PYROXD1: variants seen among roughly 807,000 people sequenced by gnomAD.
PYROXD1 encodes the protein tRNA ligase complex-associated NAD(P)H dehydrogenase PYROXD1.
In PYROXD1, 42 loss-of-function variants were observed where a neutral mutation model predicts 62.0. That is an observed-to-expected ratio of 0.68 (90% CI 0.53 to 0.88). The LOEUF is 0.88. PYROXD1 is among the 40% of genes least tolerant of loss of function. The pLI is 0.00. For synonymous variants in PYROXD1, 170 were observed against 206.4 expected (o/e 0.82, Z 1.51); for missense variants, 493 against 604.8 (o/e 0.82, Z 1.94).
chr12:21,458,093 A>C lies in PYROXD1; in HGVS notation c.750+1998A>C, dbSNP rs149707671. Reference sequence around the variant, plus strand: ...AGCCAGGCATTGACTTCTCCTCTATAGTTGTGAAGGTCCTAGATAGCATCT... The same window carrying C: ...AGCCAGGCATTGACTTCTCCTCTATCGTTGTGAAGGTCCTAGATAGCATCT... On this transcript the variant is annotated intron_variant, in intron 7 of 11. Transcript: ENST00000240651. Among the ~76,000 whole-genome samples, 407 of 152,258 alleles carry C rather than the reference A, an allele frequency of 2.7e-3. 2 individuals carry two copies. The highest frequency in any genetic ancestry group is 3.5e-3 in the Non-Finnish European group (235 of 68,012).
chr12:21,465,739 C>T (rs1385000894), intron 10 of PYROXD1, among the ~76,000 whole-genome samples: 1 of 151,982 alleles, frequency 6.6e-6, no homozygotes, highest in East Asian at 1.9e-4. Flanking sequence ...GAAGTCCTTG[C>T]CCATGCCTAT....
chr12:21,453,730 T>C (rs1942545142), intron 5 of PYROXD1, among the ~76,000 whole-genome samples: 2 of 152,050 alleles, frequency 1.3e-5, no homozygotes, highest in Non-Finnish European at 2.9e-5. Flanking sequence ...GTAGAGCAAG[T>C]ACTGAAGTTT....
intron 2 of PYROXD1, among the ~76,000 whole-genome samples, chr12:21,441,656 T>C (rs932559928): frequency 6.6e-6 from 1 of 152,238 alleles, no homozygotes; most frequent in African/African-American, 2.4e-5. Context: ...TTTTTTGTTT[T>C]GGTTGCTTAT....
At chr12:21,462,992 T>C (rs1371926151) in intron 10 of PYROXD1, 130 bp downstream of exon 10, 5 of 731,774 alleles carry the variant, frequency 6.8e-6, no homozygotes, top group Admixed American at 3.3e-5. Context: ...ACAGTTGTTA[T>C]ATATATTTAA....
intron 7 of PYROXD1, among the ~76,000 whole-genome samples, chr12:21,460,454 C>G (rs987880248): frequency 2.0e-5 from 3 of 149,970 alleles, no homozygotes; most frequent in Non-Finnish European, 3.0e-5. Context: ...GACAGAGTCT[C>G]GCTCTGTCAC....
rs754580539 is a variant in PYROXD1, at chr12:21,445,417, A to G, written c.236A>G (p.Asn79Ser). The change falls in exon 3 of 12, where the codon AAC becomes AGC. Residue 79 changes from asparagine (N) to serine (S), a missense_variant. By Grantham distance (46) the Asn-to-Ser change is conservative. Transcript: ENST00000240651. Reference protein sequence around the residue: ...SSTMLGKRFPNIKVIESGVKQ... With the variant: ...SSTMLGKRFPSIKVIESGVKQ... ...ACCATGTTAGGAAAACGCTTTCCCAACATTAAGGTTATAGAATCTGGCGTA... is the reference window on the plus strand; with the variant it reads ...ACCATGTTAGGAAAACGCTTTCCCAGCATTAAGGTTATAGAATCTGGCGTA... 2.8e-5 allele frequency: 45 copies of G among 1,608,682 alleles called. No homozygotes were observed. The highest frequency in any genetic ancestry group is 3.7e-5 in the Non-Finnish European group (44 of 1,178,498).
rs901740604 is a variant in PYROXD1 at position 21,462,928 on chromosome 12, C to T, written c.1116+66C>T. On this transcript the variant is annotated intron_variant, in intron 10 of 11. Coordinates refer to ENST00000240651, the MANE Select transcript of PYROXD1 (RefSeq NM_024854.5). Reference sequence around the variant, plus strand: ...CTGTCTGAAAATAAAGCGGTTGTTACCAACAAATCCAACTTCTGGTTTTCC... The same window carrying T: ...CTGTCTGAAAATAAAGCGGTTGTTATCAACAAATCCAACTTCTGGTTTTCC... 2.7e-6 allele frequency: 4 copies of T among 1,486,024 alleles called. 1 individual carries two copies. Among genetic ancestry groups the T allele is most frequent in the South Asian group, 2.7e-5 (2 of 74,850 alleles). The allele number at this position is 1,486,024 out of a possible 1,614,324, so 92.1% of individuals were successfully genotyped here.
chr12:21,460,298 A>G (rs1441870947), intron 7 of PYROXD1, among the ~76,000 whole-genome samples: 1 of 152,130 alleles, frequency 6.6e-6, no homozygotes, highest in Admixed American at 6.5e-5. Context: ...AGTATTTACT[A>G]CCTACGTGGG....
chr12:21,462,737 T>C lies in PYROXD1; in HGVS notation c.994-3T>C, dbSNP rs201240735. 1 of 1,613,628 alleles carries C rather than the reference T, an allele frequency of 6.2e-7. No individual in the cohort carries two copies. Among genetic ancestry groups the C allele is most frequent in the Non-Finnish European group, 8.5e-7 (1 of 1,179,818 alleles). ...CTTAACGCTTATGAGGAATGTTGTT[T>C]AGTTTGATCTAGGAGAAGATGGTGG... is the stretch of plus-strand genomic sequence containing the variant. On this transcript the variant is annotated splice_region_variant and splice_polypyrimidine_tract_variant and intron_variant, in intron 9 of 11. Transcript: ENST00000240651.
At chr12:21,450,452 A>G (rs1293196043) in intron 4 of PYROXD1, among the ~76,000 whole-genome samples, 1 of 152,220 alleles carries the variant, frequency 6.6e-6, no homozygotes, top group Non-Finnish European at 1.5e-5. Flanking sequence ...ATCATAGAAC[A>G]GAAAAGGTCA....
intron 10 of PYROXD1, among the ~76,000 whole-genome samples, chr12:21,465,591 A>G (rs1942778056): frequency 1.3e-5 from 2 of 151,928 alleles, no homozygotes; most frequent in African/African-American, 4.8e-5. Flanking sequence ...AGTAGGTTGC[A>G]AAAATTTTCT....
At chr12:21,465,514 GTTGT>G (rs1047870031) in intron 10 of PYROXD1, among the ~76,000 whole-genome samples, 7 of 151,612 alleles carry the variant, frequency 4.6e-5, no homozygotes, top group Non-Finnish European at 1.0e-4. Flanking sequence ...TTTTGATGGG[GTTGT>G]TTTTTTTTTG....
intron 7 of PYROXD1, among the ~76,000 whole-genome samples, chr12:21,457,809 T>A (rs1187800192): frequency 4.4e-5 from 2 of 45,064 alleles, no homozygotes; most frequent in Non-Finnish European, 5.0e-5. Context: ...ACTGTCCCCA[T>A]GATCCAGTCA....
At chr12:21,437,910 G>C in intron 1 of PYROXD1, 96 bp downstream of exon 1, 1 of 1,187,910 alleles carries the variant, frequency 8.4e-7, no homozygotes. Context: ...TTCTTCTTCC[G>C]GGTTCCTTTT....
At chr12:21,457,130 T>C (rs1302817548) in intron 7 of PYROXD1, 2 of 275,068 alleles carry the variant, frequency 7.3e-6, no homozygotes, top group Middle Eastern at 2.6e-3. Flanking sequence ...GTTGATATTT[T>C]GACTTACTCC....
intron 7 of PYROXD1, among the ~76,000 whole-genome samples, chr12:21,459,463 G>A (rs934558169): frequency 6.6e-6 from 1 of 152,304 alleles, no homozygotes; most frequent in Non-Finnish European, 1.5e-5. Context: ...GTAAATGTAA[G>A]TAAAGTGTTT....
intron 2 of PYROXD1, among the ~76,000 whole-genome samples, chr12:21,441,493 A>G (rs1942294158): frequency 6.6e-6 from 1 of 151,728 alleles, no homozygotes; most frequent in South Asian, 2.1e-4. Context: ...TTCTGACTGT[A>G]TATTTTCAAA....
At chr12:21,455,872 G>T in intron 6 of PYROXD1, 123 bp from the exon 7 acceptor site, 1 of 634,950 alleles carries the variant, frequency 1.6e-6, no homozygotes, top group East Asian at 2.8e-5. Flanking sequence ...AGATAACATA[G>T]GTTAGTCATG....
chr12:21,449,476 G>A (rs903665326), intron 3 of PYROXD1, 87 bp from the exon 4 acceptor site: 2 of 1,332,800 alleles, frequency 1.5e-6, no homozygotes, highest in African/African-American at 1.5e-5. Context: ...TTTTGCTTTT[G>A]CCTTATTGAA....
Sources: gnomAD v4.1 joint callset for allele counts (sites outside exome capture counted in the v4.1 genomes callset) on GRCh38, gnomAD v4.1.1 for gene constraint, MANE v1.5 for transcripts, NCBI Gene and HGNC (gene_info 2026-07-23, HGNC 2026-07-21) for gene names.